Variants in PCSK2 observed in about 807,000 individuals in gnomAD.
PCSK2 encodes neuroendocrine convertase 2.
A neutral mutation model predicts 69.7 loss-of-function variants in PCSK2; 14 were observed. The ratio of observed to expected loss-of-function variants is 0.20; its 90% CI spans 0.13 to 0.31. The LOEUF (loss-of-function observed/expected upper bound fraction) is 0.31, where lower values mean the gene tolerates loss of function less well. PCSK2 is among the 10% of genes least tolerant of loss of function. PCSK2 has a pLI of 1.00. For missense variants in PCSK2, 544 were observed against 842.5 expected (o/e 0.65, Z 4.39); for synonymous variants, 307 against 320.7 (o/e 0.96, Z 0.46).
chr20:17,260,374 A>C, intron 2 of PCSK2, 30 bp downstream of exon 2: 1 of 1,461,540 alleles, frequency 6.8e-7, no homozygotes, highest in Non-Finnish European at 9.6e-7. Context: ...CTGCCTCCCA[A>C]TCTCTGCTGC....
intron 11 of PCSK2, among the ~76,000 whole-genome samples, chr20:17,468,488 G>A (rs1218609336): frequency 6.7e-6 from 1 of 148,710 alleles, no homozygotes. Context: ...CCTACCATAG[G>A]TCAGCATCCT....
intron 2 of PCSK2, among the ~76,000 whole-genome samples, chr20:17,300,588 T>A (rs2123086954): frequency 6.6e-6 from 1 of 152,406 alleles, no homozygotes; most frequent in African/African-American, 2.4e-5. Context: ...TCCAACTCGC[T>A]GTCTCTCTGG....
At chr20:17,380,361 C>T (rs79109414) in intron 5 of PCSK2, among the ~76,000 whole-genome samples, 1 of 151,984 alleles carries the variant, frequency 6.6e-6, no homozygotes, top group Non-Finnish European at 1.5e-5. Context: ...CTGCCTATTG[C>T]CACATGGGGC....
At chr20:17,478,053 T>C (rs1433182235) in intron 11 of PCSK2, among the ~76,000 whole-genome samples, 1 of 152,216 alleles carries the variant, frequency 6.6e-6, no homozygotes, top group Non-Finnish European at 1.5e-5. Flanking sequence ...TAGATAAGAC[T>C]GATAATAAGG....
intron 1 of PCSK2, among the ~76,000 whole-genome samples, chr20:17,251,124 A>G (rs1274131770): frequency 6.6e-6 from 1 of 152,114 alleles, no homozygotes; most frequent in East Asian, 1.9e-4. Context: ...AAAAATTATC[A>G]GATCCATAAT....
At chr20:17,324,250 T>A (rs1490906582) in intron 2 of PCSK2, among the ~76,000 whole-genome samples, 1 of 152,120 alleles carries the variant, frequency 6.6e-6, no homozygotes, top group Non-Finnish European at 1.5e-5. Flanking sequence ...GCTCAAATGA[T>A]ACCAGGCTAT....
intron 8 of PCSK2, among the ~76,000 whole-genome samples, chr20:17,445,456 C>A (rs1170333645): frequency 1.3e-5 from 2 of 152,252 alleles, no homozygotes; most frequent in African/African-American, 4.8e-5. Context: ...ACAGATGAGA[C>A]AGCGCATTGA....
At chr20:17,405,248 A>T (rs2031727435) in intron 5 of PCSK2, among the ~76,000 whole-genome samples, 1 of 152,206 alleles carries the variant, frequency 6.6e-6, no homozygotes, top group African/African-American at 2.4e-5. Context: ...GTTTGACTTG[A>T]ATGTCTCTCT....
chr20:17,306,431 A>G (rs1989330239), intron 2 of PCSK2, among the ~76,000 whole-genome samples: 1 of 152,184 alleles, frequency 6.6e-6, no homozygotes, highest in East Asian at 1.9e-4. Context: ...CTCAAACAGA[A>G]GATGGTCCCA....
chr20:17,245,439 A>G (rs943143285), intron 1 of PCSK2, among the ~76,000 whole-genome samples: 3 of 152,290 alleles, frequency 2.0e-5, no homozygotes, highest in Middle Eastern at 3.4e-3. Context: ...TGAAGATACT[A>G]GCATGTAATT....
intron 6 of PCSK2, among the ~76,000 whole-genome samples, chr20:17,418,623 T>G (rs2032053720): frequency 6.6e-6 from 1 of 152,158 alleles, no homozygotes; most frequent in Non-Finnish European, 1.5e-5. Context: ...CTCATTACAC[T>G]CAAGATAATG....
At chr20:17,388,041 AG>A (rs2123265716) in intron 5 of PCSK2, among the ~76,000 whole-genome samples, 1 of 152,310 alleles carries the variant, frequency 6.6e-6, no homozygotes, top group South Asian at 2.1e-4. Context: ...TGGAAGCAGA[AG>A]GAACAGCTTG....
intron 2 of PCSK2, among the ~76,000 whole-genome samples, chr20:17,339,389 A>C (rs1364328119): frequency 3.9e-5 from 6 of 152,204 alleles, no homozygotes; most frequent in Non-Finnish European, 7.3e-5. Context: ...TAGCTGGAAC[A>C]CAAACATTGA....
intron 6 of PCSK2, among the ~76,000 whole-genome samples, chr20:17,414,787 T>C (rs1162477836): frequency 6.6e-6 from 1 of 152,196 alleles, no homozygotes; most frequent in Admixed American, 6.5e-5. Context: ...AAATCCTCAA[T>C]AAAATACTGG....
intron 2 of PCSK2, among the ~76,000 whole-genome samples, chr20:17,322,353 C>T (rs576338184): frequency 1.3e-5 from 2 of 152,150 alleles, no homozygotes; most frequent in South Asian, 4.2e-4. Flanking sequence ...GATAAGTAAG[C>T]TGTTTCATTG....
At chr20:17,432,496 C>CT (rs1239674187) in intron 7 of PCSK2, among the ~76,000 whole-genome samples, 4 of 152,084 alleles carry the variant, frequency 2.6e-5, no homozygotes, top group African/African-American at 9.7e-5. Flanking sequence ...AAAAATATTA[C>CT]TTTTTTTATT....
intron 2 of PCSK2, among the ~76,000 whole-genome samples, chr20:17,325,865 C>T (rs1990033713): frequency 6.6e-6 from 1 of 152,190 alleles, no homozygotes; most frequent in Non-Finnish European, 1.5e-5. Context: ...CAGGCATGTT[C>T]TTCTCAAGCC....
At chr20:17,436,660 C>G in intron 7 of PCSK2, 48 bp from the exon 8 acceptor site, 1 of 1,540,928 alleles carries the variant, frequency 6.5e-7, no homozygotes, top group Non-Finnish European at 8.8e-7. Flanking sequence ...TTGTCTCCTG[C>G]GAACTGGGGA....
rs549604054 is a variant in PCSK2, at chr20:17,304,025, G to A, written c.282+43681G>A. Among the ~76,000 whole-genome samples, 15 of 150,932 alleles carry A rather than the reference G, an allele frequency of 9.9e-5. No homozygotes were observed. The South Asian group carries it at 1.7e-3, about 17-fold the overall frequency. On this transcript the variant is annotated intron_variant, in intron 2 of 11. Coordinates refer to ENST00000262545, the MANE Select transcript of PCSK2 (RefSeq NM_002594.5). Reference sequence around the variant, plus strand: ...ACATAGCTATATATGGTTCTGGAATGAGACCTCTCAATTCATGATTATCCA... The same window carrying A: ...ACATAGCTATATATGGTTCTGGAATAAGACCTCTCAATTCATGATTATCCA...
Sources: gnomAD v4.1 joint callset for allele counts (sites outside exome capture counted in the v4.1 genomes callset) on GRCh38, gnomAD v4.1.1 for gene constraint, MANE v1.5 for transcripts, NCBI Gene and HGNC (gene_info 2026-07-23, HGNC 2026-07-21) for gene names.